The following GPC6 variants were observed in gnomAD, a reference collection of about 807,000 sequenced individuals.
GPC6 encodes the protein glypican 6, also known as glypican-6.
A neutral mutation model predicts 55.2 loss-of-function variants in GPC6; 14 were observed. That is an observed-to-expected ratio of 0.25 (90% CI 0.17 to 0.40). GPC6 has a LOEUF of 0.40. Ranked by LOEUF, GPC6 falls within the 10% of genes least tolerant of loss-of-function variation. The probability of loss-of-function intolerance (pLI) is 1.00; values close to 1 mark genes in which losing one functional copy is unlikely to be tolerated. For synonymous variants in GPC6, 278 were observed against 259.6 expected (o/e 1.07, Z -0.68); for missense variants, 641 against 708.5 (o/e 0.90, Z 1.08).
intron 3 of GPC6, among the ~76,000 whole-genome samples, chr13:93,899,298 G>T (rs1804621030): frequency 6.6e-6 from 1 of 152,088 alleles, no homozygotes; most frequent in South Asian, 2.1e-4. Context: ...AGGGAGTTAA[G>T]TAATTGTATA....
chr13:94,272,476 T>A (rs529981737), intron 4 of GPC6, among the ~76,000 whole-genome samples: 134 of 137,706 alleles, frequency 9.7e-4, no homozygotes, highest in African/African-American at 3.6e-3. Flanking sequence ...TTTTTTTTTT[T>A]TTTTTTTTTT....
intron 1 of GPC6, among the ~76,000 whole-genome samples, chr13:93,322,892 A>T (rs889485735): frequency 1.2e-4 from 18 of 151,764 alleles, no homozygotes; most frequent in African/African-American, 4.1e-4. Flanking sequence ...GCACCCATCA[A>T]CCCCGTCATC....
chr13:94,115,848 A>G (rs892778143), intron 4 of GPC6, among the ~76,000 whole-genome samples: 4 of 152,132 alleles, frequency 2.6e-5, no homozygotes, highest in Non-Finnish European at 5.9e-5. Flanking sequence ...ATAGTAAATA[A>G]GAATATTTTT....
intron 3 of GPC6, among the ~76,000 whole-genome samples, chr13:93,857,855 G>A (rs1256415214): frequency 6.6e-6 from 1 of 151,444 alleles, no homozygotes; most frequent in Non-Finnish European, 1.5e-5. Context: ...GCCAAACTAT[G>A]TAATACAGAC....
At chr13:94,390,839 A>G (rs1359630465) in intron 7 of GPC6, among the ~76,000 whole-genome samples, 5 of 151,836 alleles carry the variant, frequency 3.3e-5, no homozygotes, top group African/African-American at 9.7e-5. Context: ...AGTCTTCCTG[A>G]CTGTCCTGGC....
chr13:93,638,498 A>G (rs555774735), intron 2 of GPC6, among the ~76,000 whole-genome samples: 1 of 152,274 alleles, frequency 6.6e-6, no homozygotes, highest in South Asian at 2.1e-4. Flanking sequence ...TACAAAAACT[A>G]TTACAATGTT....
At chr13:93,652,002 A>G (rs1880439866) in intron 2 of GPC6, among the ~76,000 whole-genome samples, 1 of 152,158 alleles carries the variant, frequency 6.6e-6, no homozygotes. Flanking sequence ...AACTTAATGG[A>G]GGAAAAACAA....
intron 2 of GPC6, among the ~76,000 whole-genome samples, chr13:93,556,406 A>ATG (rs1278172870): frequency 3.4e-4 from 35 of 104,018 alleles, no homozygotes; most frequent in Non-Finnish European, 6.4e-4. Context: ...ATGTATGTAT[A>ATG]TGTATATATA....
chr13:94,090,298 C>T (rs762525913), intron 4 of GPC6, among the ~76,000 whole-genome samples: 6 of 152,040 alleles, frequency 3.9e-5, no homozygotes, highest in Admixed American at 2.0e-4. Flanking sequence ...TACCTCCCAC[C>T]GGATCCCTCC....
intron 4 of GPC6, among the ~76,000 whole-genome samples, chr13:94,120,629 C>A (rs1404739701): frequency 6.6e-6 from 1 of 151,900 alleles, no homozygotes; most frequent in South Asian, 2.1e-4. Context: ...CTTTGTGAAC[C>A]ACAGAATTGA....
At chr13:93,395,029 T>A (rs1230738596) in intron 1 of GPC6, 3 of 243,434 alleles carry the variant, frequency 1.2e-5, no homozygotes, top group Non-Finnish European at 2.5e-5. Context: ...CTCCAAAGTG[T>A]CCTCCCTTCA....
intron 2 of GPC6, among the ~76,000 whole-genome samples, chr13:93,552,754 G>A (rs971755315): frequency 6.6e-6 from 1 of 152,086 alleles, no homozygotes; most frequent in Admixed American, 6.6e-5. Flanking sequence ...TTTAAGTATT[G>A]CTCTATCAGA....
At chr13:93,570,168 A>G (rs763065125) in intron 2 of GPC6, among the ~76,000 whole-genome samples, 9 of 152,190 alleles carry the variant, frequency 5.9e-5, no homozygotes, top group South Asian at 2.1e-4. Flanking sequence ...GCCATTAACC[A>G]TATATCCTTG....
chr13:94,045,066 T>C (rs1594691654), intron 4 of GPC6, among the ~76,000 whole-genome samples: 1 of 151,874 alleles, frequency 6.6e-6, no homozygotes, highest in Non-Finnish European at 1.5e-5. Flanking sequence ...TTTTAAATAA[T>C]ATTTTTTAAT....
intron 3 of GPC6, among the ~76,000 whole-genome samples, chr13:94,007,802 T>G (rs2140430503): frequency 6.6e-6 from 1 of 152,224 alleles, no homozygotes; most frequent in Non-Finnish European, 1.5e-5. Flanking sequence ...TGCCAATAAC[T>G]TATGTATAAG....
chr13:93,364,035 GCC>G, intron 1 of GPC6, among the ~76,000 whole-genome samples: 1 of 152,130 alleles, frequency 6.6e-6, no homozygotes, highest in East Asian at 1.9e-4. Context: ...CTGGATATTA[GCC>G]CTTTGTCAGA....
rs190730599 is a variant in GPC6 at position 94,021,929 on chromosome 13, C to T, written c.712-5800C>T. Among the ~76,000 whole-genome samples the T allele has an allele frequency of 1.6e-3, 249 of 151,878 alleles. 2 individuals carry two copies. Among genetic ancestry groups the T allele is most frequent in the Admixed American group, 2.3e-3 (35 of 15,240 alleles). ...GGAACAATTGACTATTTTCTTTTTT[C>T]CCAACTAATATTGTAAAAGATTATT... On this transcript the variant is annotated intron_variant, in intron 3 of 8. Transcript: ENST00000377047.
intron 2 of GPC6, among the ~76,000 whole-genome samples, chr13:93,696,148 A>G (rs1882444512): frequency 6.6e-6 from 1 of 152,186 alleles, no homozygotes; most frequent in African/African-American, 2.4e-5. Flanking sequence ...TGAGATTATA[A>G]TCCAAGAAAA....
chr13:94,388,303 T>C (rs548748212), intron 7 of GPC6, among the ~76,000 whole-genome samples: 2 of 152,332 alleles, frequency 1.3e-5, no homozygotes, highest in African/African-American at 4.8e-5. Context: ...ATGGGGCTTT[T>C]CTTATATTAA....
Sources: gnomAD v4.1 joint callset for allele counts (sites outside exome capture counted in the v4.1 genomes callset) on GRCh38, gnomAD v4.1.1 for gene constraint, MANE v1.5 for transcripts, NCBI Gene and HGNC (gene_info 2026-07-23, HGNC 2026-07-21) for gene names.